Variants in DMD observed in about 807,000 individuals in gnomAD.
The protein encoded by DMD is mutant dystrophin.
Under a neutral mutation model 330.1 loss-of-function variants are expected in DMD, and 63 were observed. The ratio of observed to expected loss-of-function variants is 0.19; its 90% confidence interval spans 0.16 to 0.24. The LOEUF (loss-of-function observed/expected upper bound fraction) is 0.24, where lower values mean the gene tolerates loss of function less well. Ranked by LOEUF, DMD falls within the 10% of genes least tolerant of loss-of-function variation. DMD has a pLI of 1.00. For synonymous variants in DMD, 1,223 were observed against 959.8 expected, an observed-to-expected ratio of 1.27 and a Z score of -5.07; for missense variants, 3,344 against 2,684.1, an observed-to-expected ratio of 1.25 and a Z score of -5.43.
intron 52 of DMD, among the ~76,000 whole-genome samples, chrX:31,680,370 T>C (rs2082309463): frequency 9.1e-6 from 1 of 110,475 alleles, no homozygotes; most frequent in Admixed American, 9.6e-5. Context: ...ACTTCTTCTT[T>C]TTCTTTCTTT....
intron 60 of DMD, among the ~76,000 whole-genome samples, chrX:31,411,045 C>T (rs961898864): frequency 1.1e-4 from 12 of 108,676 alleles, no homozygotes; most frequent in African/African-American, 3.7e-4. Flanking sequence ...GGATTACAGG[C>T]GTGAGCCACT....
intron 20 of DMD, among the ~76,000 whole-genome samples, chrX:32,485,472 A>T (rs1279613113): frequency 9.0e-6 from 1 of 110,728 alleles, no homozygotes; most frequent in African/African-American, 3.3e-5. Context: ...CGCTTGCTTC[A>T]AATTTTAAGC....
intron 48 of DMD, among the ~76,000 whole-genome samples, chrX:31,869,507 C>A (rs1172218093): frequency 9.5e-6 from 1 of 105,180 alleles, no homozygotes; most frequent in African/African-American, 3.5e-5. Flanking sequence ...CCTTTACAAT[C>A]TGGCTGCGAT....
At chrX:32,657,549 T>G (rs1414753910) in intron 9 of DMD, among the ~76,000 whole-genome samples, 1 of 111,403 alleles carries the variant, frequency 9.0e-6, no homozygotes, top group Non-Finnish European at 1.9e-5. Flanking sequence ...GGAGGAAAAA[T>G]GGGATACCCA....
chrX:31,369,970 A>G (rs1355478526), intron 60 of DMD, among the ~76,000 whole-genome samples: 2 of 109,402 alleles, frequency 1.8e-5, no homozygotes, highest in South Asian at 4.0e-4. Flanking sequence ...GTGGTGGTGG[A>G]GGCCTGTAGT....
intron 55 of DMD, among the ~76,000 whole-genome samples, chrX:31,569,315 T>A (rs1159486407): frequency 1.8e-5 from 2 of 109,944 alleles, no homozygotes; most frequent in Non-Finnish European, 3.8e-5. Context: ...TCCCTTTAAT[T>A]CCTTAGGAAA....
intron 37 of DMD, among the ~76,000 whole-genome samples, chrX:32,359,715 T>C (rs1603631624): frequency 9.0e-6 from 1 of 111,427 alleles, no homozygotes; most frequent in East Asian, 2.8e-4. Flanking sequence ...CAGGGATTTA[T>C]GAACTAATCT....
At chrX:31,990,837 C>T (rs1016348673) in intron 44 of DMD, among the ~76,000 whole-genome samples, 1 of 111,468 alleles carries the variant, frequency 9.0e-6, no homozygotes, top group Non-Finnish European at 1.9e-5. Flanking sequence ...GTTAACACTC[C>T]GTGAGGAAAC....
At chrX:32,564,475 G>C (rs769027825) in intron 16 of DMD, among the ~76,000 whole-genome samples, 1 of 111,218 alleles carries the variant, frequency 9.0e-6, no homozygotes, top group Non-Finnish European at 1.9e-5. Flanking sequence ...CCAATGTATT[G>C]CAAAGAAGCC....
chrX:32,690,998 T>A (rs2063238717), intron 9 of DMD, among the ~76,000 whole-genome samples: 2 of 110,808 alleles, frequency 1.8e-5, no homozygotes, highest in Admixed American at 1.9e-4. Context: ...AAACTAAAAA[T>A]CTTCTGTTTA....
chrX:32,731,884 C>T (rs1275242853), intron 7 of DMD, among the ~76,000 whole-genome samples: 2 of 112,228 alleles, frequency 1.8e-5, no homozygotes. Flanking sequence ...CACAGTTCCT[C>T]ACTAGCAACG....
At chrX:32,699,091 G>A in intron 8 of DMD, 21 bp downstream of exon 8, 5 of 1,187,276 alleles carry the variant, frequency 4.2e-6, no homozygotes, top group Non-Finnish European at 4.6e-6. Context: ...TTGAATAGTA[G>A]CTGTCCTTTA....
At chrX:32,081,166 G>A (rs1236804161) in intron 44 of DMD, among the ~76,000 whole-genome samples, 3 of 112,064 alleles carry the variant, frequency 2.7e-5, no homozygotes, top group Non-Finnish European at 5.6e-5. Flanking sequence ...TTCTGGTTAT[G>A]GTGAGACATA....
intron 25 of DMD, among the ~76,000 whole-genome samples, chrX:32,456,048 T>C (rs1301054601): frequency 9.1e-6 from 1 of 110,401 alleles, no homozygotes; most frequent in Non-Finnish European, 1.9e-5. Flanking sequence ...ATGGTATTCT[T>C]CTCTCTGGTT....
chrX:31,740,415 T>C (rs925347954), intron 51 of DMD, among the ~76,000 whole-genome samples: 1 of 112,007 alleles, frequency 8.9e-6, no homozygotes, highest in African/African-American at 3.2e-5. Context: ...TTTTTTCTCC[T>C]ACACACATTT....
intron 1 of DMD, among the ~76,000 whole-genome samples, chrX:33,073,874 A>G (rs1015837174): frequency 9.4e-6 from 1 of 106,746 alleles, no homozygotes; most frequent in East Asian, 3.1e-4. Flanking sequence ...TAAATAAATA[A>G]ACAGCTAAGG....
chrX:32,650,805 A>G (rs1356130948), intron 9 of DMD, among the ~76,000 whole-genome samples: 1 of 112,163 alleles, frequency 8.9e-6, no homozygotes, highest in Non-Finnish European at 1.9e-5. Context: ...TCAACAACAA[A>G]TACAACTACT....
At chrX:32,959,270 G>T (rs914445958) in intron 2 of DMD, among the ~76,000 whole-genome samples, 1 of 111,282 alleles carries the variant, frequency 9.0e-6, no homozygotes, top group African/African-American at 3.3e-5. Context: ...CATTCAGTGC[G>T]CAAAGTACAA....
intron 2 of DMD, among the ~76,000 whole-genome samples, chrX:32,852,842 G>C (rs1426215901): frequency 3.6e-5 from 4 of 110,144 alleles, no homozygotes; most frequent in Non-Finnish European, 5.7e-5. Context: ...GACAAACTTT[G>C]TATTGTGGCT....
Sources: gnomAD v4.1 joint callset for allele counts (sites outside exome capture counted in the v4.1 genomes callset) on GRCh38, gnomAD v4.1.1 for gene constraint, MANE v1.5 for transcripts, NCBI Gene and HGNC (gene_info 2026-07-23, HGNC 2026-07-21) for gene names.